Variants in SACM1L observed in about 807,000 individuals in gnomAD.
SACM1L encodes SAC1 like phosphatidylinositide phosphatase.
In SACM1L, 32 loss-of-function variants were observed where a neutral mutation model predicts 89.5. The ratio of observed to expected loss-of-function variants is 0.36; its 90% confidence interval spans 0.27 to 0.48. SACM1L has a LOEUF of 0.48. SACM1L is among the 20% of genes least tolerant of loss of function. SACM1L has a pLI of 0.99. For synonymous variants in SACM1L, 213 were observed against 232.8 expected, an observed-to-expected ratio of 0.92 and a Z score of 0.77; for missense variants, 543 against 708.5, an observed-to-expected ratio of 0.77 and a Z score of 2.65.
Position 45,745,122 on chromosome 3 carries a change from A to C in SACM1L, c.*1453A>C, listed in dbSNP as rs1699398924. 1.3e-5 allele frequency: 2 copies of C among 152,328 alleles called. No individual in the cohort carries two copies. Among genetic ancestry groups the C allele is most frequent in the South Asian group, 4.1e-4 (2 of 4,830 alleles). The allele number at this position is 152,328 out of a possible 1,614,324, so 9.4% of individuals were successfully genotyped here. ...TAAGTAAATATAGCCACCTGTTAAC[A>C]TGTAAATAAGCATAATTTGTTCCAA... is the stretch of plus-strand genomic sequence containing the variant. On this transcript the variant is annotated 3_prime_UTR_variant, in exon 20 of 20. Coordinates refer to ENST00000389061, the MANE Select transcript of SACM1L (RefSeq NM_014016.5).
rs371359783 is a variant in SACM1L at position 45,726,292 on chromosome 3, C to G, written c.921+2749C>G. ...GGTGTTAATTCTCTAAATTTTGGTACAATTCACTGGTGAGTTCACTAGTAA... is the reference window on the plus strand; with the variant it reads ...GGTGTTAATTCTCTAAATTTTGGTAGAATTCACTGGTGAGTTCACTAGTAA... On this transcript the variant is annotated intron_variant, in intron 11 of 19. Transcript: ENST00000389061. Among the ~76,000 whole-genome samples the G allele has an allele frequency of 2.0e-5, 3 of 151,744 alleles. No homozygotes were observed. The East Asian group carries it at 5.8e-4, about 29-fold the overall frequency.
At chr3:45,719,690 T>C (rs1575400698) in intron 8 of SACM1L, 89 bp downstream of exon 8, 1 of 717,568 alleles carries the variant, frequency 1.4e-6, no homozygotes, top group East Asian at 2.7e-5. Context: ...TTATTTGTTT[T>C]CATTATCATT....
At chr3:45,735,960 G>A (rs566061321) in intron 14 of SACM1L, among the ~76,000 whole-genome samples, 1 of 152,192 alleles carries the variant, frequency 6.6e-6, no homozygotes, top group Non-Finnish European at 1.5e-5. Flanking sequence ...TCTGCCTCCT[G>A]GGCTCAAGCC....
In SACM1L at chr3:45,726,869, C is replaced by CTTTTTTTTT. The variant is rs1158423503; in HGVS notation, c.921+3345_921+3353dup. Among the ~76,000 whole-genome samples, 23 of 52,344 alleles carry CTTTTTTTTT rather than the reference C, an allele frequency of 4.4e-4. 3 individuals carry two copies. The highest frequency in any genetic ancestry group is 1.1e-3 in the East Asian group (3 of 2,708). The allele number at this position is 52,344 out of a possible 152,430, so 34.3% of individuals were successfully genotyped here. ...CCTCAGCACTGCTTTTGCTTTATTT[C>CTTTTTTTTT]TTTTTTTTTTTTTTTTTTTTTTTTT... On this transcript the variant is annotated intron_variant, in intron 11 of 19. Transcript: ENST00000389061.
intron 13 of SACM1L, chr3:45,734,502 G>T (rs1699154796): frequency 6.6e-6 from 1 of 151,902 alleles, no homozygotes. Context: ...TGTCACCCAG[G>T]CTGGAGTGCA....
chr3:45,719,261 T>C (rs1698734001), intron 7 of SACM1L, among the ~76,000 whole-genome samples: 2 of 152,198 alleles, frequency 1.3e-5, no homozygotes, highest in Non-Finnish European at 2.9e-5. Flanking sequence ...AGCATATCAT[T>C]TAAATAAAAA....
Position 45,737,854 on chromosome 3 carries a change from G to T in SACM1L, c.1382+10G>T. ...AGACTGACTTTACCAGGCAAGCCAT[G>T]CTTTTAAAATAGCATTCCACATCAG... On this transcript the variant is annotated intron_variant, in intron 16 of 19. Coordinates refer to ENST00000389061, the MANE Select transcript of SACM1L (RefSeq NM_014016.5). 6.2e-7 allele frequency: 1 copy of T among 1,611,388 alleles called. No homozygotes were observed. Among genetic ancestry groups the T allele is most frequent in the Non-Finnish European group, 8.5e-7 (1 of 1,177,682 alleles).
At chr3:45,731,401 T>G (rs1262023136) in intron 12 of SACM1L, 21 bp downstream of exon 12, 2 of 1,550,724 alleles carry the variant, frequency 1.3e-6, no homozygotes, top group African/African-American at 1.4e-5. Context: ...AGAAATCTGT[T>G]GCAGGTCTTT....
chr3:45,736,777 GT>G (rs1171316085), intron 14 of SACM1L, among the ~76,000 whole-genome samples: 1 of 152,190 alleles, frequency 6.6e-6, no homozygotes. Context: ...CCTGCAGAGA[GT>G]GGGGGCAGGA....
chr3:45,724,333 G>GTGT, intron 11 of SACM1L, among the ~76,000 whole-genome samples: 1 of 151,452 alleles, frequency 6.6e-6, no homozygotes, highest in East Asian at 2.0e-4. Context: ...GTGTGTGTGT[G>GTGT]TTTAATGATA....
chr3:45,722,940 C>T lies in SACM1L; in HGVS notation c.837C>T (p.Ser279=). The T allele has an allele frequency of 6.2e-7, 1 of 1,613,118 alleles. No individual in the cohort carries two copies. The change falls in exon 10 of 20, where the codon AGC becomes AGT. Residue 279 remains serine (S), a synonymous_variant. Coordinates refer to ENST00000389061, the MANE Select transcript of SACM1L (RefSeq NM_014016.5). ...AGTACAAACCACTGCCACAGATCAG[C>T]AAAGTAGCAAATCACGTGTGTATCT... is the stretch of plus-strand genomic sequence containing the variant. ...NLKYKPLPQI[S]KVANHMDGFQ...
At chr3:45,722,196 A>C (rs913632328) in intron 9 of SACM1L, 111 bp downstream of exon 9, 5 of 666,946 alleles carry the variant, frequency 7.5e-6, no homozygotes, top group Non-Finnish European at 1.0e-5. Flanking sequence ...CTTATGTAAT[A>C]TTTTTATCTA....
intron 3 of SACM1L, among the ~76,000 whole-genome samples, chr3:45,705,754 C>T (rs956210992): frequency 2.1e-4 from 32 of 152,048 alleles, no homozygotes; most frequent in Non-Finnish European, 4.4e-4. Context: ...TCCACCCACC[C>T]CAGCCTCCCA....
At position 45,721,291 on chromosome 3, in the gene SACM1L, G is replaced by A. The variant is rs572967625; in HGVS notation, c.680-709G>A. ...AATCCCAGCACTTTGGGAGGCCGAGGCAGGCAGATCACCTGAGGTCGGGAG... is the reference window on the plus strand; with the variant it reads ...AATCCCAGCACTTTGGGAGGCCGAGACAGGCAGATCACCTGAGGTCGGGAG... On this transcript the variant is annotated intron_variant, in intron 8 of 19. Transcript: ENST00000389061. Among the ~76,000 whole-genome samples, 31 of 152,374 alleles carry A rather than the reference G, an allele frequency of 2.0e-4. 1 individual carries two copies. Among genetic ancestry groups the A allele is most frequent in the Admixed American group, 1.9e-3 (29 of 15,310 alleles).
At position 45,732,442 on chromosome 3, in the gene SACM1L, G is replaced by A. The variant is rs562100776; in HGVS notation, c.1100+291G>A. On this transcript the variant is annotated intron_variant, in intron 13 of 19. Transcript: ENST00000389061. ...ATTGAACTTGGTTTACTACTATTTT[G>A]TATTGTCGTTTCCACTAGACATTCT... Among the ~76,000 whole-genome samples, 3 of 152,124 alleles carry A rather than the reference G, an allele frequency of 2.0e-5. No homozygotes were observed. The East Asian group carries it at 5.8e-4, about 29-fold the overall frequency.
chr3:45,721,180 A>G (rs577635781), intron 8 of SACM1L, among the ~76,000 whole-genome samples: 1 of 152,364 alleles, frequency 6.6e-6, no homozygotes, highest in South Asian at 2.1e-4. Context: ...AAATCAGTAT[A>G]AGCATCTGCT....
chr3:45,733,808 G>A (rs1699132866), intron 13 of SACM1L, among the ~76,000 whole-genome samples: 1 of 152,288 alleles, frequency 6.6e-6, no homozygotes, highest in African/African-American at 2.4e-5. Flanking sequence ...CCTCCATTTT[G>A]TGGATGAAAA....
chr3:45,713,290 C>T (rs897815704), intron 6 of SACM1L, 94 bp downstream of exon 6: 28 of 944,640 alleles, frequency 3.0e-5, no homozygotes, highest in East Asian at 1.8e-4. Context: ...CCAAGAATTT[C>T]GAGAAACAAT....
rs41289604 is a variant in SACM1L at position 45,738,007 on chromosome 3, G to A, written c.1382+163G>A. ...GGAGTCAGGATTTCTGGGAAGTGAG[G>A]CCCGGGTACTGGTGTGTTCTTAGCC... On this transcript the variant is annotated intron_variant, in intron 16 of 19. Coordinates refer to ENST00000389061, the MANE Select transcript of SACM1L (RefSeq NM_014016.5). Among the ~76,000 whole-genome samples the A allele has an allele frequency of 3.7e-3, 561 of 152,276 alleles. 2 individuals are homozygous for A. Among genetic ancestry groups the A allele is most frequent in the Non-Finnish European group, 5.7e-3 (389 of 68,012 alleles).
Sources: allele counts gnomAD v4.1 joint callset (sites outside exome capture counted in the v4.1 genomes callset), GRCh38; gene constraint gnomAD v4.1.1; transcripts MANE v1.5; gene names NCBI Gene and HGNC (gene_info 2026-07-23, HGNC 2026-07-21).